The following CSMD1 variants were observed in gnomAD, a reference collection of about 807,000 sequenced individuals.
CSMD1 encodes the protein CUB and Sushi multiple domains 1, also known as CUB and sushi domain-containing protein 1.
CSMD1 carries 213 observed loss-of-function variants against 417.5 expected under a neutral mutation model. The ratio of observed to expected loss-of-function variants is 0.51; its 90% CI spans 0.46 to 0.57. CSMD1 has a LOEUF of 0.57. CSMD1 is among the 20% of genes least tolerant of loss of function. The probability of loss-of-function intolerance (pLI) is 0.00; values close to 1 mark genes in which losing one functional copy is unlikely to be tolerated. For synonymous variants in CSMD1, 2,862 were observed against 1,736.8 expected, an observed-to-expected ratio of 1.65 and a Z score of -16.11; for missense variants, 6,923 against 4,529.7, an observed-to-expected ratio of 1.53 and a Z score of -15.17.
chr8:3,397,817 T>C (rs887541012), intron 16 of CSMD1, among the ~76,000 whole-genome samples: 8 of 152,192 alleles, frequency 5.3e-5, no homozygotes, highest in African/African-American at 1.9e-4. Context: ...TTCTTTGCTG[T>C]TGGGCAGCCT....
intron 2 of CSMD1, among the ~76,000 whole-genome samples, chr8:4,636,549 A>G (rs770184881): frequency 1.2e-4 from 18 of 152,194 alleles, no homozygotes; most frequent in Non-Finnish European, 2.4e-4. Flanking sequence ...GCTGAATTGT[A>G]CTCAAGAATT....
intron 47 of CSMD1, among the ~76,000 whole-genome samples, chr8:3,092,624 G>A (rs1360657832): frequency 6.6e-6 from 1 of 152,122 alleles, no homozygotes; most frequent in African/African-American, 2.4e-5. Context: ...CCTGTCTATG[G>A]TATTTGAAAT....
chr8:3,695,690 T>C (rs1800512852), intron 7 of CSMD1, among the ~76,000 whole-genome samples: 1 of 152,184 alleles, frequency 6.6e-6, no homozygotes. Context: ...TCTAGCAAAT[T>C]GTATTTAAAA....
chr8:3,927,968 C>T (rs1443707826), intron 5 of CSMD1, among the ~76,000 whole-genome samples: 1 of 152,038 alleles, frequency 6.6e-6, no homozygotes, highest in African/African-American at 2.4e-5. Context: ...GTTCATTTAA[C>T]ATAATTTTTA....
At chr8:3,371,050 C>G (rs1036363610) in intron 18 of CSMD1, among the ~76,000 whole-genome samples, 1 of 152,156 alleles carries the variant, frequency 6.6e-6, no homozygotes, top group African/African-American at 2.4e-5. Flanking sequence ...TTGACCCTGA[C>G]TTCAGAGCTC....
chr8:4,208,852 A>G (rs563990906), intron 3 of CSMD1, among the ~76,000 whole-genome samples: 25 of 152,336 alleles, frequency 1.6e-4, no homozygotes, highest in Admixed American at 1.3e-3. Flanking sequence ...TGAGGTAGCA[A>G]TAAGTATCCA....
intron 1 of CSMD1, among the ~76,000 whole-genome samples, chr8:4,940,947 C>G (rs1411344388): frequency 6.6e-6 from 1 of 152,144 alleles, no homozygotes; most frequent in South Asian, 2.1e-4. Flanking sequence ...TTTAACAGTT[C>G]TTAGATCTAG....
At chr8:3,466,290 T>A (rs538632854) in intron 12 of CSMD1, among the ~76,000 whole-genome samples, 2 of 152,136 alleles carry the variant, frequency 1.3e-5, no homozygotes, top group Non-Finnish European at 2.9e-5. Context: ...GAACCAGTAT[T>A]CAGGGGAGTA....
chr8:3,437,137 G>C (rs903888217), intron 12 of CSMD1, among the ~76,000 whole-genome samples: 1 of 152,076 alleles, frequency 6.6e-6, no homozygotes, highest in Non-Finnish European at 1.5e-5. Context: ...CTGGTAGGGA[G>C]GGAAAAAAAT....
At chr8:3,326,486 A>G (rs1421792810) in intron 23 of CSMD1, among the ~76,000 whole-genome samples, 1 of 152,180 alleles carries the variant, frequency 6.6e-6, no homozygotes, top group Non-Finnish European at 1.5e-5. Context: ...ACACATCCCA[A>G]ACTTGCCCTC....
intron 5 of CSMD1, among the ~76,000 whole-genome samples, chr8:3,923,297 C>T (rs1292989048): frequency 6.6e-6 from 1 of 152,208 alleles, no homozygotes; most frequent in South Asian, 2.1e-4. Context: ...TGTCCCTTCC[C>T]CATTTGGGGA....
At chr8:4,292,311 G>A (rs1215751465) in intron 3 of CSMD1, among the ~76,000 whole-genome samples, 2 of 152,204 alleles carry the variant, frequency 1.3e-5, no homozygotes, top group South Asian at 2.1e-4. Flanking sequence ...GGAGTGCAGT[G>A]TCGCGACCTG....
Position 3,586,215 on chromosome 8 carries a change from G to C in CSMD1, c.1143C>G (p.Leu381=). Residue 381 remains leucine, a synonymous_variant, in exon 9 of 70, where the codon CTC becomes CTG. Coordinates refer to ENST00000635120, the MANE Select transcript of CSMD1 (RefSeq NM_033225.6). The part of the protein sequence containing the change: ...VQFSCEDNYV[L]QGSKSITCQR... ...GACAGGTGATGCTTTTAGATCCCTG[G>C]AGCACGTAATTGTCCTCACATGAAA... The C allele has an allele frequency of 1.9e-6, 3 of 1,611,258 alleles. No homozygotes were observed. The highest frequency in any genetic ancestry group is 2.5e-6 in the Non-Finnish European group (3 of 1,179,280).
chr8:4,844,694 C>T (rs1024677147), intron 1 of CSMD1, among the ~76,000 whole-genome samples: 1 of 152,160 alleles, frequency 6.6e-6, no homozygotes, highest in African/African-American at 2.4e-5. Context: ...TCATTATTAT[C>T]TTAGACTCTA....
intron 18 of CSMD1, among the ~76,000 whole-genome samples, chr8:3,370,140 T>G (rs779941841): frequency 6.6e-6 from 1 of 152,166 alleles, no homozygotes; most frequent in African/African-American, 2.4e-5. Context: ...AAGATATCAA[T>G]AATTTAACCT....
At chr8:3,583,076 A>G (rs1450882020) in intron 9 of CSMD1, among the ~76,000 whole-genome samples, 2 of 152,128 alleles carry the variant, frequency 1.3e-5, no homozygotes, top group African/African-American at 4.8e-5. Context: ...TGTGGACAGC[A>G]GCTTTGACCT....
At chr8:4,488,411 C>T (rs1379088045) in intron 2 of CSMD1, among the ~76,000 whole-genome samples, 3 of 152,128 alleles carry the variant, frequency 2.0e-5, no homozygotes, top group South Asian at 2.1e-4. Flanking sequence ...GGCTTGATCT[C>T]GTTGCCTCTG....
rs182686603 is a variant in CSMD1, at chr8:4,284,115, C to G, written c.415+135838G>C. ...AGGCATGGTGGCTCACACCTGTAAT[C>G]CTAGCATTTTGGGAGGCCGAGAAGG... On this transcript the variant is annotated intron_variant, in intron 3 of 69. Coordinates refer to ENST00000635120, the MANE Select transcript of CSMD1 (RefSeq NM_033225.6). Among the ~76,000 whole-genome samples the G allele has an allele frequency of 5.8e-3, 883 of 152,248 alleles. 19 individuals are homozygous for G. Among genetic ancestry groups the G allele is most frequent in the South Asian group, 0.038 (182 of 4,826 alleles).
At chr8:4,440,090 G>C (rs1045446471) in intron 2 of CSMD1, among the ~76,000 whole-genome samples, 3 of 152,086 alleles carry the variant, frequency 2.0e-5, no homozygotes, top group Non-Finnish European at 1.5e-5. Context: ...AACTGTGTTA[G>C]GATATTGGAA....
Sources: gnomAD v4.1 joint callset for allele counts (sites outside exome capture counted in the v4.1 genomes callset) on GRCh38, gnomAD v4.1.1 for gene constraint, MANE v1.5 for transcripts, NCBI Gene and HGNC (gene_info 2026-07-23, HGNC 2026-07-21) for gene names.